The following EML1 variants were observed in gnomAD, a reference collection of about 807,000 sequenced individuals.
EML1 encodes the protein echinoderm microtubule-associated protein-like 1.
EML1 carries 27 observed loss-of-function variants against 110.4 expected under a neutral mutation model. The ratio of observed to expected loss-of-function variants is 0.24; its 90% CI spans 0.18 to 0.34. EML1 has a LOEUF of 0.34. EML1 is among the 10% of genes least tolerant of loss of function. The probability of loss-of-function intolerance (pLI) is 1.00; values close to 1 mark genes in which losing one functional copy is unlikely to be tolerated. For synonymous variants in EML1, 344 were observed against 385.8 expected (o/e 0.89, Z 1.27); for missense variants, 741 against 1,030.9 (o/e 0.72, Z 3.85).
intron 1 of EML1, among the ~76,000 whole-genome samples, chr14:99,825,836 G>T (rs906032437): frequency 6.6e-6 from 1 of 152,194 alleles, no homozygotes; most frequent in Non-Finnish European, 1.5e-5. Context: ...GAATATGCTT[G>T]GAGAGGACAT....
At chr14:99,893,864 C>T (rs971326839) in intron 5 of EML1, among the ~76,000 whole-genome samples, 1 of 152,208 alleles carries the variant, frequency 6.6e-6, no homozygotes, top group African/African-American at 2.4e-5. Flanking sequence ...CTGAGAACTC[C>T]AGTCAGAACA....
At chr14:99,863,863 C>G (rs2059045731) in intron 2 of EML1, among the ~76,000 whole-genome samples, 1 of 152,226 alleles carries the variant, frequency 6.6e-6, no homozygotes, top group East Asian at 1.9e-4. Flanking sequence ...AGTACAATTA[C>G]TGGATCATAT....
chr14:99,919,303 A>C (rs2060086694), intron 16 of EML1, among the ~76,000 whole-genome samples: 2 of 152,180 alleles, frequency 1.3e-5, no homozygotes, highest in Admixed American at 1.3e-4. Context: ...TATATGGATA[A>C]AGAAAGTGTA....
intron 6 of EML1, among the ~76,000 whole-genome samples, chr14:99,895,485 T>C (rs1595447314): frequency 6.6e-6 from 1 of 152,112 alleles, no homozygotes; most frequent in Non-Finnish European, 1.5e-5. Flanking sequence ...TGCAAGAAAA[T>C]ATTGTCCTTA....
chr14:99,847,041 T>C (rs1228742304), intron 1 of EML1, among the ~76,000 whole-genome samples: 3 of 151,090 alleles, frequency 2.0e-5, no homozygotes, highest in Admixed American at 6.6e-5. Flanking sequence ...CCATGTATTT[T>C]GCTATGTTGT....
chr14:99,926,016 C>T (rs528468287), intron 17 of EML1, among the ~76,000 whole-genome samples: 1 of 152,202 alleles, frequency 6.6e-6, no homozygotes, highest in Non-Finnish European at 1.5e-5. Flanking sequence ...GCCAGGACCG[C>T]TGTGCTGGCC....
chr14:99,940,021 A>G lies in EML1; in HGVS notation c.2357A>G (p.His786Arg). The G allele has an allele frequency of 2.5e-6, 4 of 1,595,888 alleles. No individual in the cohort carries two copies. Among genetic ancestry groups the G allele is most frequent in the Non-Finnish European group, 3.4e-6 (4 of 1,171,084 alleles). The part of the protein sequence containing the change: ...PSHIYGGHSS[H>R]VTNVDFLCED... The stretch of plus-strand genomic sequence containing the variant: ...CACATCTACGGCGGGCACAGCAGCC[A>G]TGTCACCAATGTCGATTTCCTCTGT... Residue 786 changes from histidine (H) to arginine (R), a missense_variant, in exon 22 of 22, where the codon CAT (histidine) becomes CGT (arginine). Around this residue, in one of 4 missense-constraint regions of EML1, gnomAD observed 114 missense variants for 122.5 expected, o/e 0.93. Coordinates refer to ENST00000262233, the MANE Select transcript of EML1 (RefSeq NM_004434.3).
At chr14:99,886,307 C>T (rs1462147391) in intron 4 of EML1, among the ~76,000 whole-genome samples, 3 of 152,122 alleles carry the variant, frequency 2.0e-5, no homozygotes, top group Admixed American at 2.0e-4. Context: ...CATGGCGGAA[C>T]CCTGTCTCTA....
chr14:99,889,114 C>A (rs913279490), intron 4 of EML1, among the ~76,000 whole-genome samples: 10 of 152,056 alleles, frequency 6.6e-5, no homozygotes, highest in African/African-American at 2.4e-4. Flanking sequence ...CAGCTGGCCA[C>A]CCCCGAAGGA....
chr14:99,864,516 T>C (rs1331288842), intron 2 of EML1, among the ~76,000 whole-genome samples: 2 of 152,134 alleles, frequency 1.3e-5, no homozygotes, highest in African/African-American at 4.8e-5. Flanking sequence ...GTTGCCTTTG[T>C]TGAAAAGATG....
chr14:99,796,752 A>G (rs1274597242), intron 1 of EML1, among the ~76,000 whole-genome samples: 1 of 152,034 alleles, frequency 6.6e-6, no homozygotes, highest in Non-Finnish European at 1.5e-5. Context: ...GATTTGGGAA[A>G]TAACTCCATA....
chr14:99,909,517 C>T (rs376035064), intron 11 of EML1, 38 bp downstream of exon 11: 138 of 1,612,386 alleles, frequency 8.6e-5, no homozygotes, highest in South Asian at 2.0e-4. Context: ...ATTTTTCTCT[C>T]GTATATGTGA....
rs201162542 is a variant in EML1 at position 99,898,311 on chromosome 14, C to T, written c.897+9C>T. ...CATCGAAGGATGGAAAAGTGAGTTA[C>T]GTTACCTTTTCATTGTTTCATAATG... On this transcript the variant is annotated intron_variant, in intron 8 of 21. Coordinates refer to ENST00000262233, the MANE Select transcript of EML1 (RefSeq NM_004434.3). The T allele has an allele frequency of 1.9e-3, 3,064 of 1,607,176 alleles. 14 individuals carry two copies. The highest frequency in any genetic ancestry group is 9.6e-3 in the South Asian group (861 of 89,810).
chr14:99,802,585 G>A (rs1174152237), intron 1 of EML1, among the ~76,000 whole-genome samples: 6 of 152,108 alleles, frequency 3.9e-5, no homozygotes, highest in Admixed American at 6.5e-5. Flanking sequence ...CAAGGCTGAC[G>A]CCCAGGTCTC....
At chr14:99,891,412 T>C (rs377442862) in intron 5 of EML1, among the ~76,000 whole-genome samples, 185 bp downstream of exon 5, 37 of 152,262 alleles carry the variant, frequency 2.4e-4, no homozygotes, top group African/African-American at 6.7e-4. Flanking sequence ...GAGACTGCCT[T>C]TAAACAGTCA....
At chr14:99,864,819 A>G (rs2059065906) in intron 2 of EML1, among the ~76,000 whole-genome samples, 1 of 151,798 alleles carries the variant, frequency 6.6e-6, no homozygotes. Context: ...AAAAAAAAAA[A>G]AAAAAGAAAA....
At chr14:99,903,043 T>G (rs925102362) in intron 9 of EML1, among the ~76,000 whole-genome samples, 2 of 152,226 alleles carry the variant, frequency 1.3e-5, no homozygotes, top group Non-Finnish European at 2.9e-5. Flanking sequence ...TTGCCATAAA[T>G]TAAGAATACT....
intron 1 of EML1, among the ~76,000 whole-genome samples, chr14:99,775,643 G>A (rs1348215718): frequency 6.6e-6 from 1 of 152,226 alleles, no homozygotes. Context: ...AGGGGCTTTT[G>A]ATCTGGAGAG....
At chr14:99,770,779 A>ATTTTTTTTTT (rs34744469), upstream of EML1, among the ~76,000 whole-genome samples, 22 of 91,626 alleles carry the variant, frequency 2.4e-4, 3 homozygotes, top group African/African-American at 8.5e-4. Flanking sequence ...GTTTCCGCTG[A>ATTTTTTTTTT]TTTTTTTTTT....
Sources: gnomAD v4.1 joint callset for allele counts (sites outside exome capture counted in the v4.1 genomes callset) on GRCh38, gnomAD v4.1.1 for gene constraint, gnomAD v4.1.1 regional missense constraint, MANE v1.5 for transcripts, NCBI Gene and HGNC (gene_info 2026-07-23, HGNC 2026-07-21) for gene names.